Variants in KCNMA1 observed in about 807,000 individuals in gnomAD.
The protein encoded by KCNMA1 is Calcium-activated potassium channel subunit alpha-1.
In KCNMA1, 29 loss-of-function variants were observed where a neutral mutation model predicts 140.0. The observed-to-expected ratio is 0.21, with a 90% CI of 0.15 to 0.28. KCNMA1 has a LOEUF of 0.28. Among genes scored for constraint, KCNMA1 ranks in the 10% least tolerant of loss-of-function variants. KCNMA1 has a pLI of 1.00. For synonymous variants in KCNMA1, 612 were observed against 611.9 expected (o/e 1.00, Z 0.00); for missense variants, 880 against 1,602.2 (o/e 0.55, Z 7.70).
chr10:77,011,142 T>G (rs1381375571), intron 18 of KCNMA1, among the ~76,000 whole-genome samples: 1 of 152,134 alleles, frequency 6.6e-6, no homozygotes, highest in Non-Finnish European at 1.5e-5. Context: ...TGGCATCATT[T>G]TTTGTTTGTT....
chr10:77,519,848 T>C (rs2052193229), intron 1 of KCNMA1, among the ~76,000 whole-genome samples: 1 of 151,638 alleles, frequency 6.6e-6, no homozygotes, highest in Admixed American at 6.6e-5. Context: ...GGGTATGCAG[T>C]GTGAGAGTAT....
At chr10:77,320,957 C>T (rs1035738124) in intron 2 of KCNMA1, among the ~76,000 whole-genome samples, 1 of 152,198 alleles carries the variant, frequency 6.6e-6, no homozygotes, top group Admixed American at 6.5e-5. Context: ...TCTGCTCATT[C>T]AAGACTCTGT....
rs541372474 is a variant in KCNMA1, at chr10:77,574,762, CAT to C, written c.378+62501_378+62502del. ...GCTCATAGAATGGTCGTGAGGATCA[CAT>C]GAGGTCATACTTTGAATGGTGCACC... On this transcript the variant is annotated intron_variant, in intron 1 of 27. Transcript: ENST00000286628. Among the ~76,000 whole-genome samples, 461 of 152,348 alleles carry C rather than the reference CAT, an allele frequency of 3.0e-3. 2 individuals carry two copies. The highest frequency in any genetic ancestry group is 0.01 in the Middle Eastern group (3 of 294).
chr10:76,988,043 G>A (rs2081765360), intron 19 of KCNMA1, among the ~76,000 whole-genome samples: 2 of 152,194 alleles, frequency 1.3e-5, no homozygotes, highest in Admixed American at 6.5e-5. Context: ...CACTGGCAAT[G>A]GTGAGAAAAG....
intron 15 of KCNMA1, among the ~76,000 whole-genome samples, chr10:77,032,240 A>G (rs1465955737): frequency 6.6e-6 from 1 of 152,126 alleles, no homozygotes; most frequent in Non-Finnish European, 1.5e-5. Flanking sequence ...CCCAGAACTG[A>G]TGTTCTCTGG....
intron 3 of KCNMA1, among the ~76,000 whole-genome samples, chr10:77,244,665 C>G (rs2058150625): frequency 6.6e-6 from 1 of 152,190 alleles, no homozygotes; most frequent in African/African-American, 2.4e-5. Flanking sequence ...GCATACTCTC[C>G]ACCTGTCTTC....
chr10:77,291,104 C>T (rs2154310633), intron 2 of KCNMA1, among the ~76,000 whole-genome samples: 1 of 152,318 alleles, frequency 6.6e-6, no homozygotes, highest in African/African-American at 2.4e-5. Flanking sequence ...ACCACAGCTT[C>T]CCGTGCCTCT....
intron 1 of KCNMA1, among the ~76,000 whole-genome samples, chr10:77,607,248 T>G (rs1396801668): frequency 6.6e-6 from 1 of 152,214 alleles, no homozygotes; most frequent in Admixed American, 6.5e-5. Flanking sequence ...TAATGGACAG[T>G]GGAGCCTGGC....
chr10:77,019,928 A>T (rs1295443251), intron 16 of KCNMA1: 1 of 152,208 alleles, frequency 6.6e-6, no homozygotes, highest in African/African-American at 2.4e-5. Flanking sequence ...AGATTAGCGG[A>T]CCAAGTTGTG....
chr10:77,449,544 C>T (rs1318959372), intron 1 of KCNMA1, among the ~76,000 whole-genome samples: 1 of 151,708 alleles, frequency 6.6e-6, no homozygotes, highest in African/African-American at 2.4e-5. Flanking sequence ...GGGCAGAAAA[C>T]TTTTACTTTT....
At chr10:77,205,816 C>T (rs116290177) in intron 3 of KCNMA1, among the ~76,000 whole-genome samples, 1,755 of 152,196 alleles carry the variant, frequency 0.012, 38 homozygotes, top group African/African-American at 0.04. Context: ...AAAATCAGGA[C>T]GACTTTTTAA....
At chr10:77,529,612 A>G (rs761301324) in intron 1 of KCNMA1, among the ~76,000 whole-genome samples, 16 of 152,146 alleles carry the variant, frequency 1.1e-4, no homozygotes, top group Non-Finnish European at 2.1e-4. Context: ...ATGAGTTAAA[A>G]CTACAGACTA....
At chr10:76,908,452 T>G (rs2048709128) in intron 25 of KCNMA1, among the ~76,000 whole-genome samples, 1 of 152,260 alleles carries the variant, frequency 6.6e-6, no homozygotes, top group Non-Finnish European at 1.5e-5. Flanking sequence ...CAGTCATTTT[T>G]AAATCCAAAA....
At chr10:76,945,949 G>C (rs911554113) in intron 22 of KCNMA1, among the ~76,000 whole-genome samples, 1 of 152,074 alleles carries the variant, frequency 6.6e-6, no homozygotes, top group Admixed American at 6.5e-5. Flanking sequence ...TGAGGGGAAA[G>C]TTTGCTTTTC....
intron 24 of KCNMA1, chr10:76,911,358 G>C (rs889617696): frequency 1.3e-5 from 2 of 152,140 alleles, no homozygotes; most frequent in African/African-American, 4.8e-5. Context: ...TTCCAAAATT[G>C]GTCACATTTG....
intron 14 of KCNMA1, among the ~76,000 whole-genome samples, chr10:77,059,773 T>C (rs1249509214): frequency 6.6e-6 from 1 of 152,072 alleles, no homozygotes; most frequent in Non-Finnish European, 1.5e-5. Flanking sequence ...GTGAAAGAAA[T>C]GAATGTTTTC....
intron 2 of KCNMA1, among the ~76,000 whole-genome samples, chr10:77,315,106 A>C (rs1329654148): frequency 6.6e-6 from 1 of 152,194 alleles, no homozygotes; most frequent in Non-Finnish European, 1.5e-5. Context: ...CCACAGTGAC[A>C]CTGAACTAGA....
At chr10:77,168,637 T>C (rs576166620) in intron 5 of KCNMA1, among the ~76,000 whole-genome samples, 101 of 152,326 alleles carry the variant, frequency 6.6e-4, no homozygotes, top group African/African-American at 2.4e-3. Context: ...AGAAACATTA[T>C]GTAGCAGGAC....
intron 2 of KCNMA1, among the ~76,000 whole-genome samples, chr10:77,282,100 T>C (rs2068822601): frequency 6.6e-6 from 1 of 152,220 alleles, no homozygotes; most frequent in African/African-American, 2.4e-5. Context: ...TTAGCAAATT[T>C]TATTTTTAGT....
Sources: allele counts gnomAD v4.1 joint callset (sites outside exome capture counted in the v4.1 genomes callset), GRCh38; gene constraint gnomAD v4.1.1; transcripts MANE v1.5; gene names NCBI Gene and HGNC (gene_info 2026-07-23, HGNC 2026-07-21).